Variants in STAT1 observed in about 807,000 individuals in gnomAD.
The protein encoded by STAT1 is signal transducer and activator of transcription 1-alpha/beta.
STAT1 carries 24 observed loss-of-function variants against 111.7 expected under a neutral mutation model. The observed-to-expected ratio is 0.21, with a 90% CI of 0.16 to 0.30. STAT1 has a LOEUF of 0.30. Among genes scored for constraint, STAT1 ranks in the 10% least tolerant of loss-of-function variants. The probability of loss-of-function intolerance (pLI) is 1.00; values close to 1 mark genes in which losing one functional copy is unlikely to be tolerated. For missense variants in STAT1, 351 were observed against 911.9 expected, an observed-to-expected ratio of 0.38 and a Z score of 7.92; for synonymous variants, 332 against 326.5, an observed-to-expected ratio of 1.02 and a Z score of -0.18.
chr2:190,993,633 C>T lies in STAT1; in HGVS notation c.944+1428G>A. On this transcript the variant is annotated intron_variant, in intron 10 of 24. Coordinates refer to ENST00000361099, the MANE Select transcript of STAT1 (RefSeq NM_007315.4). This position sits in a 1 kb window ranked among gnomAD's most constrained non-coding sequence, Gnocchi z 4.1. Reference sequence around the variant, plus strand: ...CTACAGCTGCTGCCCTGACTCTCTGCACCACGGGTAACTGAAGGAAAGGAA... The same window carrying T: ...CTACAGCTGCTGCCCTGACTCTCTGTACCACGGGTAACTGAAGGAAAGGAA... 1.8e-6 allele frequency: 1 copy of T among 563,674 alleles called. No homozygotes were observed. The highest frequency in any genetic ancestry group is 3.5e-6 in the Non-Finnish European group (1 of 288,912). The allele number at this position is 563,674 out of a possible 1,614,324, so 34.9% of individuals were successfully genotyped here. A position where few individuals can be genotyped will look rare whatever the true frequency, so the allele number is the denominator to read the frequency against.
Position 190,984,300 on chromosome 2 carries a change from A to C in STAT1, c.1347+10T>G, listed in dbSNP as rs376263835. The C allele has an allele frequency of 3.1e-6, 5 of 1,608,936 alleles. No individual in the cohort carries two copies. Among genetic ancestry groups the C allele is most frequent in the Non-Finnish European group, 4.3e-6 (5 of 1,175,254 alleles). ...TGAAGTTTTCCAACTCGGGACCATA[A>C]AAGTCTTACCTCGAGGTCAATTACC... On this transcript the variant is annotated intron_variant, in intron 16 of 24. Transcript: ENST00000361099. The surrounding 1 kb of genome is among the most constrained non-coding windows in gnomAD (Gnocchi z 5.2).
chr2:190,998,691 A>C lies in STAT1; in HGVS notation c.542-383T>G, dbSNP rs957706317. ...AAAAAACAAAAAAAACAAAAAAAAA[A>C]CAAAAAAAACTTGTTTTCAGTGACC... On this transcript the variant is annotated intron_variant, in intron 7 of 24. Transcript: ENST00000361099. This position sits in a 1 kb window ranked among gnomAD's most constrained non-coding sequence, Gnocchi z 4.1. 5.3e-5 allele frequency among the ~76,000 whole-genome samples: 8 copies of C among 150,772 alleles called. No individual in the cohort carries two copies. The highest frequency in any genetic ancestry group is 2.1e-4 in the South Asian group (1 of 4,800).
intron 10 of STAT1, among the ~76,000 whole-genome samples, chr2:190,994,359 G>C (rs1693650045): frequency 6.6e-6 from 1 of 152,088 alleles, no homozygotes; most frequent in African/African-American, 2.4e-5. Flanking sequence ...AACCAGAATG[G>C]AACTCTGCTC....
rs1559004835 is a variant in STAT1, at chr2:190,974,861, C to T, written c.2207G>A (p.Arg736Gln). Residue 736 changes from arginine (R) to glutamine (Q), a missense_variant, in exon 24 of 25, where the codon CGG becomes CAG. By Grantham distance (43) the Arg-to-Gln change is conservative. Transcript: ENST00000361099. This position sits in a 1 kb window ranked among gnomAD's most constrained non-coding sequence, Gnocchi z 4.8. ...MSPEEFDEVS[R>Q]IVGSVEFDSM... Reference sequence around the variant, plus strand: ...GTCGAATTCTACAGAGCCCACTATCCGAGACACCTCGTCAAACTCCTCAGG... The same window carrying T: ...GTCGAATTCTACAGAGCCCACTATCTGAGACACCTCGTCAAACTCCTCAGG... The T allele has an allele frequency of 1.9e-6, 3 of 1,614,180 alleles. No homozygotes were observed. Among genetic ancestry groups the T allele is most frequent in the East Asian group, 2.2e-5 (1 of 44,880 alleles).
At chr2:191,010,295 A>C in intron 2 of STAT1, 1 of 488,066 alleles carries the variant, frequency 2.0e-6, no homozygotes, top group Non-Finnish European at 4.2e-6. Context: ...ACCACCTCCC[A>C]CCCTGGAAAC....
chr2:190,975,045 AT>A lies in STAT1; in HGVS notation c.2136-114del. 1.1e-6 allele frequency: 1 copy of A among 919,128 alleles called. No homozygotes were observed. Among genetic ancestry groups the A allele is most frequent in the Non-Finnish European group, 1.7e-6 (1 of 571,760 alleles). The allele number at this position is 919,128 out of a possible 1,614,324, so 56.9% of individuals were successfully genotyped here. A position where few individuals can be genotyped will look rare whatever the true frequency, so the allele number is the denominator to read the frequency against. ...AATTGAATTATCACGTTATATTTTT[AT>A]TTTGGGTAAGTGCATACACTTGTAA... On this transcript the variant is annotated intron_variant, in intron 23 of 24. Transcript: ENST00000361099. This position sits in a 1 kb window ranked among gnomAD's most constrained non-coding sequence, Gnocchi z 5.9.
chr2:190,996,651 C>T lies in STAT1; in HGVS notation c.785+1205G>A, dbSNP rs16833155. Among the ~76,000 whole-genome samples, 5,555 of 152,248 alleles carry T rather than the reference C, an allele frequency of 0.036. 208 individuals are homozygous for T. The highest frequency in any genetic ancestry group is 0.12 in the Admixed American group (1,770 of 15,298). On this transcript the variant is annotated intron_variant, in intron 9 of 24. Coordinates refer to ENST00000361099, the MANE Select transcript of STAT1 (RefSeq NM_007315.4). The surrounding 1 kb of genome is among the most constrained non-coding windows in gnomAD (Gnocchi z 4.5). ...CTGGGCTCAGAAGCTCTGCTCTAACCCACAAGAAATCTGGGGTACCTACAG... is the reference window on the plus strand; with the variant it reads ...CTGGGCTCAGAAGCTCTGCTCTAACTCACAAGAAATCTGGGGTACCTACAG...
At chr2:191,005,547 G>A (rs1694625665) in intron 5 of STAT1, among the ~76,000 whole-genome samples, 1 of 152,166 alleles carries the variant, frequency 6.6e-6, no homozygotes, top group South Asian at 2.1e-4. Context: ...TATTGTACAG[G>A]TTTGTAGCCT....
Position 191,008,935 on chromosome 2 carries a change from C to T in STAT1, c.273+28G>A, listed in dbSNP as rs746148540. ...GCCTTCCATAAACATGAGAACATTT[C>T]AACTAAAATACAAAAACCAGGTCAT... On this transcript the variant is annotated intron_variant, in intron 4 of 24. Coordinates refer to ENST00000361099, the MANE Select transcript of STAT1 (RefSeq NM_007315.4). 7 of 1,610,704 alleles carry T rather than the reference C, an allele frequency of 4.3e-6. No individual in the cohort carries two copies. The East Asian group carries it at 1.3e-4, about 31-fold the overall frequency.
At chr2:190,992,633 C>CA in intron 10 of STAT1, 1 of 1,165,012 alleles carries the variant, frequency 8.6e-7, no homozygotes, top group Non-Finnish European at 1.1e-6. Flanking sequence ...AGGATGGAGG[C>CA]AAATTTTAGC....
rs941218552 is a variant in STAT1, at chr2:190,969,683, A to G, written c.*1020T>C. ...GCAGTTACATAGGAAATGAGTTTTG[A>G]AATGATCTGATTCTCATATTATCTC... On this transcript the variant is annotated 3_prime_UTR_variant, in exon 25 of 25. Coordinates refer to ENST00000361099, the MANE Select transcript of STAT1 (RefSeq NM_007315.4). 1 of 152,254 alleles carries G rather than the reference A, an allele frequency of 6.6e-6. No homozygotes were observed. The highest frequency in any genetic ancestry group is 2.4e-5 in the African/African-American group (1 of 41,478). 9.4% of individuals were successfully genotyped at this position (152,254 alleles called of 1,614,324 possible).
At position 190,977,613 on chromosome 2, in the gene STAT1, C is replaced by G. The variant is rs1692010132; in HGVS notation, c.1874-588G>C. On this transcript the variant is annotated intron_variant, in intron 21 of 24. Transcript: ENST00000361099. This position sits in a 1 kb window ranked among gnomAD's most constrained non-coding sequence, Gnocchi z 4.7. ...TCCTTCTTCCTAGCTGATACAGAAT[C>G]TCCCTTTGGGTGTCGACCTTCCAGA... Among the ~76,000 whole-genome samples, 1 of 152,226 alleles carries G rather than the reference C, an allele frequency of 6.6e-6. No homozygotes were observed. The highest frequency in any genetic ancestry group is 2.4e-5 in the African/African-American group (1 of 41,456).
rs1403516955 is a variant in STAT1 at position 190,975,511 on chromosome 2, T to C, written c.2135+301A>G. The C allele has an allele frequency of 2.2e-5, 27 of 1,208,132 alleles. No individual in the cohort carries two copies. Among genetic ancestry groups the C allele is most frequent in the South Asian group, 5.6e-5 (4 of 71,514 alleles). 74.8% of individuals were successfully genotyped at this position (1,208,132 alleles called of 1,614,324 possible). A position where few individuals can be genotyped will look rare whatever the true frequency, so the allele number is the denominator to read the frequency against. On this transcript the variant is annotated intron_variant, in intron 23 of 24. Coordinates refer to ENST00000361099, the MANE Select transcript of STAT1 (RefSeq NM_007315.4). The surrounding 1 kb of genome is among the most constrained non-coding windows in gnomAD (Gnocchi z 5.9). ...AATCATTACTTTGGCCTTTTCTAGA[T>C]TGAAAAGAACTACTTTCCCACTCTG...
Position 191,006,775 on chromosome 2 carries a change from A to G in STAT1, c.372+788T>C, listed in dbSNP as rs1474032597. ...AACCCTGACAACTAGGAAGGTTTGT[A>G]TTAGGATTAATAAAACAATGATCAA... On this transcript the variant is annotated intron_variant, in intron 5 of 24. Transcript: ENST00000361099. The surrounding 1 kb of genome is among the most constrained non-coding windows in gnomAD (Gnocchi z 4.6). Among the ~76,000 whole-genome samples the G allele has an allele frequency of 6.6e-6, 1 of 152,250 alleles. No homozygotes were observed. Among genetic ancestry groups the G allele is most frequent in the Non-Finnish European group, 1.5e-5 (1 of 68,032 alleles).
At position 190,996,741 on chromosome 2, in the gene STAT1, T is replaced by C. The variant is rs994006200; in HGVS notation, c.785+1115A>G. Reference sequence around the variant, plus strand: ...GTGATTTTTTTAAAAACTGGCAATATAGAAAATAACCTCGTGAGATCTCTG... The same window carrying C: ...GTGATTTTTTTAAAAACTGGCAATACAGAAAATAACCTCGTGAGATCTCTG... On this transcript the variant is annotated intron_variant, in intron 9 of 24. Transcript: ENST00000361099. This position sits in a 1 kb window ranked among gnomAD's most constrained non-coding sequence, Gnocchi z 4.5. 1.1e-4 allele frequency among the ~76,000 whole-genome samples: 17 copies of C among 152,142 alleles called. No individual in the cohort carries two copies. Among genetic ancestry groups the C allele is most frequent in the African/African-American group, 1.4e-4 (6 of 41,432 alleles).
rs1170461281 is a variant in STAT1 at position 190,987,936 on chromosome 2, C to T, written c.1098-868G>A. Among the ~76,000 whole-genome samples, 1 of 152,192 alleles carries T rather than the reference C, an allele frequency of 6.6e-6. No homozygotes were observed. The highest frequency in any genetic ancestry group is 1.5e-5 in the Non-Finnish European group (1 of 68,030). On this transcript the variant is annotated intron_variant, in intron 12 of 24. Coordinates refer to ENST00000361099, the MANE Select transcript of STAT1 (RefSeq NM_007315.4). The surrounding 1 kb of genome is among the most constrained non-coding windows in gnomAD (Gnocchi z 4.0). ...AGCTGACTTGTCAAAGCTAAGAAGA[C>T]CGTCAGAGCTGGAACCGACAGAAAA...
In STAT1 at chr2:191,008,987, T is replaced by C. The variant is rs1293185041; in HGVS notation, c.249A>G (p.Ile83Met). 2.5e-6 allele frequency: 4 copies of C among 1,613,868 alleles called. No homozygotes were observed. The highest frequency in any genetic ancestry group is 2.7e-5 in the African/African-American group (2 of 74,926). The part of the protein sequence containing the change: ...LENNFLLQHN[I>M]RKSKRNLQDN... ...CCTGAAGATTACGCTTGCTTTTCCT[T>C]ATGTTATGCTGTAGCAAGAAGTTAT... is the stretch of plus-strand genomic sequence containing the variant. The change falls in exon 4 of 25, where the codon ATA becomes ATG. Residue 83 changes from isoleucine (I) to methionine (M), a missense_variant. This residue lies in a region of STAT1 where 44 missense variants were observed against 144.2 expected (regional missense o/e 0.31). Transcript: ENST00000361099.
At position 190,971,165 on chromosome 2, in the gene STAT1, A is replaced by G. The variant is rs1691432096; in HGVS notation, c.2239-448T>C. Among the ~76,000 whole-genome samples, 1 of 152,182 alleles carries G rather than the reference A, an allele frequency of 6.6e-6. No individual in the cohort carries two copies. The highest frequency in any genetic ancestry group is 2.1e-4 in the South Asian group (1 of 4,822). ...CTGTGTTTCAGGTACAGACTAAAGA[A>G]GCAGAATTACTAAGAACCCCTTCAC... On this transcript the variant is annotated intron_variant, in intron 24 of 24. Coordinates refer to ENST00000361099, the MANE Select transcript of STAT1 (RefSeq NM_007315.4). The surrounding 1 kb of genome is among the most constrained non-coding windows in gnomAD (Gnocchi z 4.1).
At chr2:191,002,036 G>A (rs1694311546) in intron 5 of STAT1, among the ~76,000 whole-genome samples, 1 of 152,128 alleles carries the variant, frequency 6.6e-6, no homozygotes, top group African/African-American at 2.4e-5. Context: ...ATGTGCAATT[G>A]TATCATCTTT....
Sources: allele counts gnomAD v4.1 joint callset (sites outside exome capture counted in the v4.1 genomes callset), GRCh38; gene constraint gnomAD v4.1.1; regional missense constraint gnomAD v4.1.1; non-coding constraint Gnocchi (gnomAD v3.1); transcripts MANE v1.5; gene names NCBI Gene and HGNC (gene_info 2026-07-23, HGNC 2026-07-21).